The following PCDH9 variants were observed in gnomAD, a reference collection of about 807,000 sequenced individuals.
PCDH9 encodes protocadherin 9, also known as protocadherin-9.
Under a neutral mutation model 70.6 loss-of-function variants are expected in PCDH9, and 24 were observed. That is an observed-to-expected ratio of 0.34 (90% confidence interval 0.25 to 0.48). The LOEUF is 0.48. Ranked by LOEUF, PCDH9 falls within the 20% of genes least tolerant of loss-of-function variation. PCDH9 has a pLI of 0.99. For missense variants in PCDH9, 1,281 were observed against 1,503.6 expected (o/e 0.85, Z 2.45); for synonymous variants, 562 against 558.5 (o/e 1.01, Z -0.09).
rs374786258 is a variant in PCDH9, at chr13:67,228,069, C to T, written c.372G>A (p.Arg124=). ...EVVILPNDFF[R]LIKIKIIVKD... ...TGACAATTATTTTTATTTTGATCAG[C>T]CTGAAGAAATCATTGGGGAGGATCA... The change falls in exon 2 of 5, where the codon AGG becomes AGA. Residue 124 remains arginine, a synonymous_variant. Coordinates refer to ENST00000377865, the MANE Select transcript of PCDH9 (RefSeq NM_203487.3). The T allele has an allele frequency of 7.7e-5, 124 of 1,613,830 alleles. No individual in the cohort carries two copies. Among genetic ancestry groups the T allele is most frequent in the Non-Finnish European group, 9.8e-5 (116 of 1,179,956 alleles).
chr13:67,180,193 T>C (rs1363512937), intron 2 of PCDH9, among the ~76,000 whole-genome samples: 2 of 152,118 alleles, frequency 1.3e-5, no homozygotes, highest in Non-Finnish European at 2.9e-5. Flanking sequence ...AGAAGATCAG[T>C]TTTATCTCCT....
At chr13:66,842,791 G>C (rs2081138574) in intron 3 of PCDH9, among the ~76,000 whole-genome samples, 2 of 152,148 alleles carry the variant, frequency 1.3e-5, no homozygotes, top group South Asian at 2.1e-4. Context: ...CTAATGAAGA[G>C]GGAAAGTAAT....
intron 4 of PCDH9, among the ~76,000 whole-genome samples, chr13:66,585,279 T>C (rs1430720396): frequency 1.3e-5 from 2 of 152,180 alleles, no homozygotes; most frequent in African/African-American, 4.8e-5. Flanking sequence ...ATTCTCTTTG[T>C]ACTATATAAA....
chr13:66,854,949 G>A (rs1048979441), intron 3 of PCDH9, among the ~76,000 whole-genome samples: 47 of 151,998 alleles, frequency 3.1e-4, no homozygotes, highest in African/African-American at 8.5e-4. Context: ...TAGGAGCAGC[G>A]TTTCAGAATT....
chr13:66,470,684 G>A (rs1958600977), intron 4 of PCDH9, among the ~76,000 whole-genome samples: 1 of 150,886 alleles, frequency 6.6e-6, no homozygotes, highest in Non-Finnish European at 1.5e-5. Flanking sequence ...AAGGGGGGAT[G>A]CATGTAACAT....
At chr13:66,825,194 T>C (rs180841741) in intron 3 of PCDH9, 82 of 151,414 alleles carry the variant, frequency 5.4e-4, no homozygotes, top group African/African-American at 1.7e-3. Flanking sequence ...AAAAAATATA[T>C]ATATGTATAT....
At chr13:67,064,652 C>T (rs1450397721) in intron 2 of PCDH9, among the ~76,000 whole-genome samples, 1 of 152,096 alleles carries the variant, frequency 6.6e-6, no homozygotes, top group Non-Finnish European at 1.5e-5. Context: ...ATAATCCTAG[C>T]CTACTGAGAC....
intron 4 of PCDH9, among the ~76,000 whole-genome samples, chr13:66,377,018 G>A (rs1286179425): frequency 5.3e-5 from 8 of 152,174 alleles, no homozygotes; most frequent in Admixed American, 4.6e-4. Flanking sequence ...ACTAGAAACC[G>A]GCTTAACCAA....
At chr13:66,474,367 G>T (rs1958679060) in intron 4 of PCDH9, among the ~76,000 whole-genome samples, 1 of 152,092 alleles carries the variant, frequency 6.6e-6, no homozygotes, top group Non-Finnish European at 1.5e-5. Flanking sequence ...TAGAAAAACA[G>T]ATAAATTCAC....
chr13:66,533,313 A>AAGGTAGAT (rs1960549683), intron 4 of PCDH9, among the ~76,000 whole-genome samples: 1 of 152,122 alleles, frequency 6.6e-6, no homozygotes, highest in African/African-American at 2.4e-5. Flanking sequence ...ATTAGATTTT[A>AAGGTAGAT]AGGTAGATTG....
chr13:66,865,049 T>C (rs1366779091), intron 3 of PCDH9, among the ~76,000 whole-genome samples: 3 of 152,210 alleles, frequency 2.0e-5, no homozygotes, highest in Non-Finnish European at 4.4e-5. Context: ...ATATTAAAAA[T>C]TAACAGTGTA....
intron 4 of PCDH9, among the ~76,000 whole-genome samples, chr13:66,542,386 C>G (rs1425159286): frequency 6.6e-6 from 1 of 151,994 alleles, no homozygotes; most frequent in African/African-American, 2.4e-5. Flanking sequence ...ATGTTCATAT[C>G]TATAATTCGT....
intron 4 of PCDH9, among the ~76,000 whole-genome samples, chr13:66,610,877 A>G (rs1029443809): frequency 1.3e-5 from 2 of 152,150 alleles, no homozygotes; most frequent in Non-Finnish European, 1.5e-5. Flanking sequence ...GTACCTCTAC[A>G]TCTGTTTTTG....
chr13:66,729,861 G>A (rs975747362), intron 3 of PCDH9, among the ~76,000 whole-genome samples: 7 of 152,112 alleles, frequency 4.6e-5, no homozygotes, highest in African/African-American at 1.7e-4. Context: ...GTATCACAAT[G>A]TGCTAAGTCA....
At position 67,230,050 on chromosome 13, in the gene PCDH9, A is replaced by T. The variant is rs1338010386; in HGVS notation, c.-406T>A. The stretch of plus-strand genomic sequence containing the variant: ...CTTCTGGGCATTTAGCACACACAAC[A>T]CATAGTTGCACTTCTTCAGCTCAGG... On this transcript the variant is annotated 5_prime_UTR_variant, in exon 1 of 5. Coordinates refer to ENST00000377865, the MANE Select transcript of PCDH9 (RefSeq NM_203487.3). 6.6e-6 allele frequency: 1 copy of T among 152,282 alleles called. No homozygotes were observed. 9.4% of individuals were successfully genotyped at this position (152,282 alleles called of 1,614,324 possible). A position where few individuals can be genotyped will look rare whatever the true frequency, so the allele number is the denominator to read the frequency against.
chr13:67,051,040 T>A (rs534882994), intron 2 of PCDH9, among the ~76,000 whole-genome samples: 1 of 152,302 alleles, frequency 6.6e-6, no homozygotes, highest in South Asian at 2.1e-4. Flanking sequence ...GGTTTTTGAA[T>A]TATATTAATG....
At chr13:67,008,322 T>G (rs1441265221) in intron 2 of PCDH9, among the ~76,000 whole-genome samples, 1 of 152,142 alleles carries the variant, frequency 6.6e-6, no homozygotes, top group African/African-American at 2.4e-5. Flanking sequence ...ATCACATTTC[T>G]TTTCTATGTA....
chr13:66,911,499 T>C (rs1279996638), intron 2 of PCDH9, among the ~76,000 whole-genome samples: 1 of 152,202 alleles, frequency 6.6e-6, no homozygotes, highest in Non-Finnish European at 1.5e-5. Context: ...GTGCACATTA[T>C]GTCACTTTTT....
chr13:67,068,442 G>A (rs2085694529), intron 2 of PCDH9, among the ~76,000 whole-genome samples: 1 of 152,028 alleles, frequency 6.6e-6, no homozygotes, highest in African/African-American at 2.4e-5. Context: ...AGAGAAATAG[G>A]AGGAAAGAGA....
Sources: allele counts gnomAD v4.1 joint callset (sites outside exome capture counted in the v4.1 genomes callset), GRCh38; gene constraint gnomAD v4.1.1; transcripts MANE v1.5; gene names NCBI Gene and HGNC (gene_info 2026-07-23, HGNC 2026-07-21).